TTBK1: variants seen among roughly 807,000 people sequenced by gnomAD.
TTBK1 encodes the protein tau-tubulin kinase 1.
A neutral mutation model predicts 108.5 loss-of-function variants in TTBK1; 34 were observed. The observed-to-expected ratio is 0.31, with a 90% CI of 0.24 to 0.42. The LOEUF is 0.42. Ranked by LOEUF, TTBK1 falls within the 10% of genes least tolerant of loss-of-function variation. The pLI is 1.00. For missense variants in TTBK1, 1,539 were observed against 1,826.0 expected (o/e 0.84, Z 2.86); for synonymous variants, 809 against 795.1 (o/e 1.02, Z -0.29).
rs1312705294 is a variant in TTBK1, at chr6:43,252,731, C to T, written c.109-8C>T. 2 of 1,613,758 alleles carry T rather than the reference C, an allele frequency of 1.2e-6. No homozygotes were observed. Among genetic ancestry groups the T allele is most frequent in the Non-Finnish European group, 1.7e-6 (2 of 1,179,914 alleles). On this transcript the variant is annotated splice_polypyrimidine_tract_variant and splice_region_variant and intron_variant, in intron 2 of 14. Transcript: ENST00000259750. Reference sequence around the variant, plus strand: ...CCCTGAGCACCCCCTATCCCCTCATCTTCATAGCTGAAAAAGATCGGGGGC... The same window carrying T: ...CCCTGAGCACCCCCTATCCCCTCATTTTCATAGCTGAAAAAGATCGGGGGC...
chr6:43,252,705 TCC>T, intron 2 of TTBK1, 32 bp from the exon 3 acceptor site: 1 of 1,612,206 alleles, frequency 6.2e-7, no homozygotes, highest in Non-Finnish European at 8.5e-7. Context: ...TTCAGCCTGA[TCC>T]CTGAGCACCC....
chr6:43,275,420 G>A (rs917175750), intron 13 of TTBK1, among the ~76,000 whole-genome samples: 1 of 152,092 alleles, frequency 6.6e-6, no homozygotes, highest in Admixed American at 6.5e-5. Context: ...CTGGCTGGCG[G>A]CCTTTGGGTC....
chr6:43,255,914 C>T, intron 9 of TTBK1, 58 bp downstream of exon 9: 1 of 1,606,422 alleles, frequency 6.2e-7, no homozygotes, highest in Admixed American at 1.7e-5. Context: ...GTGACTGTCC[C>T]CCAGCAGACC....
Position 43,284,152 on chromosome 6 carries a change from C to G in TTBK1, c.3412C>G (p.Pro1138Ala), listed in dbSNP as rs1269975481. ...GSEEDTPASE[P>A]AAALPRKSGR... The stretch of plus-strand genomic sequence containing the variant: ...TGAGGAGGACACGCCCGCCTCTGAG[C>G]CGGCAGCGGCCTTGCCCAGGAAGAG... Residue 1138 changes from proline (P) to alanine (A), a missense_variant, in exon 14 of 15, where the codon CCG (proline) becomes GCG (alanine). Coordinates refer to ENST00000259750, the MANE Select transcript of TTBK1 (RefSeq NM_032538.3). 1 of 1,547,164 alleles carries G rather than the reference C, an allele frequency of 6.5e-7. No homozygotes were observed. Among genetic ancestry groups the G allele is most frequent in the Admixed American group, 1.9e-5 (1 of 52,044 alleles).
chr6:43,258,452 G>A (rs1777435380), intron 10 of TTBK1, among the ~76,000 whole-genome samples: 1 of 152,166 alleles, frequency 6.6e-6, no homozygotes, highest in Non-Finnish European at 1.5e-5. Flanking sequence ...AGCCCCAGGA[G>A]CAAGCCAAGG....
rs560080182 is a variant in TTBK1 at position 43,288,042 on chromosome 6, G to C, written c.*2666G>C. 6.5e-6 allele frequency: 1 copy of C among 152,772 alleles called. No individual in the cohort carries two copies. Among genetic ancestry groups the C allele is most frequent in the East Asian group, 1.9e-4 (1 of 5,178 alleles). 9.5% of individuals were successfully genotyped at this position (152,772 alleles called of 1,614,324 possible). ...TGGTGGGCATGGGGTGGGGAGCAGG[G>C]AGTTGCCCTTCCCCTCCCTCGGGAA... On this transcript the variant is annotated 3_prime_UTR_variant, in exon 15 of 15. Transcript: ENST00000259750. This position sits in a 1 kb window ranked among gnomAD's most constrained non-coding sequence, Gnocchi z 4.4.
intron 7 of TTBK1, 83 bp downstream of exon 7, chr6:43,255,197 G>GGGGGA: frequency 1.6e-6 from 1 of 638,348 alleles, no homozygotes; most frequent in South Asian, 1.5e-5. Context: ...GAGGGGTGGG[G>GGGGGA]AGAGGAGAGT....
chr6:43,258,044 C>G (rs1777425581), intron 10 of TTBK1, 78 bp downstream of exon 10: 2 of 1,490,190 alleles, frequency 1.3e-6, no homozygotes, highest in Non-Finnish European at 9.0e-7. Context: ...CTCCTCTCCT[C>G]TCTTCCTATC....
chr6:43,252,527 T>C (rs1251886349), intron 2 of TTBK1, among the ~76,000 whole-genome samples: 1 of 150,046 alleles, frequency 6.7e-6, no homozygotes, highest in Non-Finnish European at 1.5e-5. Flanking sequence ...CTCAGGAGAG[T>C]GAGACGTTTG....
chr6:43,270,963 C>T (rs1415356340), intron 13 of TTBK1: 20 of 985,356 alleles, frequency 2.0e-5, no homozygotes, highest in Non-Finnish European at 2.2e-5. Context: ...GAAGACACAG[C>T]AGAAGAGAGG....
rs541581507 is a variant in TTBK1 at position 43,285,433 on chromosome 6, C to T, written c.*57C>T. 1.6e-6 allele frequency: 2 copies of T among 1,248,864 alleles called. No homozygotes were observed. The highest frequency in any genetic ancestry group is 1.6e-5 in the African/African-American group (1 of 64,212). The allele number at this position is 1,248,864 out of a possible 1,614,324, so 77.4% of individuals were successfully genotyped here. ...CTCACCCCGGCCCCCCACCCGCAGC[C>T]GGCCACACTGGAGCAGCTCCCAGCA... On this transcript the variant is annotated 3_prime_UTR_variant, in exon 15 of 15. Coordinates refer to ENST00000259750, the MANE Select transcript of TTBK1 (RefSeq NM_032538.3). This position sits in a 1 kb window ranked among gnomAD's most constrained non-coding sequence, Gnocchi z 4.7.
intron 9 of TTBK1, 80 bp downstream of exon 9, chr6:43,255,936 G>A (rs1264215323): frequency 6.4e-7 from 1 of 1,567,394 alleles, no homozygotes; most frequent in Admixed American, 1.7e-5. Context: ...CGCTCCTGCT[G>A]AGGCTCCACA....
Position 43,252,904 on chromosome 6 carries a change from G to A in TTBK1, c.256+18G>A. On this transcript the variant is annotated intron_variant, in intron 3 of 14. Transcript: ENST00000259750. Reference sequence around the variant, plus strand: ...GTTGCAAGGTTCGGGCCTCGGGCAGGGGGATGGGAAGGAAGAGATGATGAA... The same window carrying A: ...GTTGCAAGGTTCGGGCCTCGGGCAGAGGGATGGGAAGGAAGAGATGATGAA... The A allele has an allele frequency of 6.2e-7, 1 of 1,612,486 alleles. No homozygotes were observed. Among genetic ancestry groups the A allele is most frequent in the Non-Finnish European group, 8.5e-7 (1 of 1,179,778 alleles).
intron 13 of TTBK1, among the ~76,000 whole-genome samples, chr6:43,267,004 T>C (rs1342996550): frequency 2.8e-5 from 1 of 35,384 alleles, no homozygotes; most frequent in Non-Finnish European, 4.9e-5. Context: ...CATGCGTGTG[T>C]GTGTGTGTGT....
At chr6:43,258,061 C>T (rs1419650574) in intron 10 of TTBK1, 95 bp downstream of exon 10, 2 of 1,391,624 alleles carry the variant, frequency 1.4e-6, no homozygotes, top group Non-Finnish European at 1.9e-6. Context: ...TATCTGGACA[C>T]ACTTGGCTAT....
In TTBK1 at chr6:43,263,492, G is replaced by A. The variant is rs1777601506; in HGVS notation, c.1986+142G>A. ...CTGTGATGGAGGTAGACAGGCTTAA[G>A]GGTCTGAAACCATGTTTGAGGGGCA... On this transcript the variant is annotated intron_variant, in intron 13 of 14. Transcript: ENST00000259750. The surrounding 1 kb of genome is among the most constrained non-coding windows in gnomAD (Gnocchi z 4.7). The A allele has an allele frequency of 1.2e-6, 1 of 857,212 alleles. No homozygotes were observed. The highest frequency in any genetic ancestry group is 2.9e-5 in the East Asian group (1 of 33,916). The allele number at this position is 857,212 out of a possible 1,614,324, so 53.1% of individuals were successfully genotyped here. A position where few individuals can be genotyped will look rare whatever the true frequency, so the allele number is the denominator to read the frequency against.
chr6:43,255,102 C>T lies in TTBK1; in HGVS notation c.630C>T (p.Ala210=). Residue 210 remains alanine, a synonymous_variant, in exon 7 of 15, where the codon GCC becomes GCT. Coordinates refer to ENST00000259750, the MANE Select transcript of TTBK1 (RefSeq NM_032538.3). ...CGGTTCGCTATGCCTCAGTCAATGC[C>T]CACAAGAACCGGGTGAGTGGCAAAG... ...RGTVRYASVN[A]HKNREMGRHD... 6.2e-7 allele frequency: 1 copy of T among 1,613,222 alleles called. No homozygotes were observed. The highest frequency in any genetic ancestry group is 8.5e-7 in the Non-Finnish European group (1 of 1,179,820).
Position 43,285,704 on chromosome 6 carries a change from G to A in TTBK1, c.*328G>A, listed in dbSNP as rs1778360992. 9.7e-6 allele frequency: 2 copies of A among 206,714 alleles called. No individual in the cohort carries two copies. Among genetic ancestry groups the A allele is most frequent in the Non-Finnish European group, 1.9e-5 (2 of 103,836 alleles). 12.8% of individuals were successfully genotyped at this position (206,714 alleles called of 1,614,324 possible). The stretch of plus-strand genomic sequence containing the variant: ...GGGGAAGGCTCAGCCACTTTTCATC[G>A]AGGACTCCACTTCTGGGGACGCCTG... On this transcript the variant is annotated 3_prime_UTR_variant, in exon 15 of 15. Transcript: ENST00000259750. The surrounding 1 kb of genome is among the most constrained non-coding windows in gnomAD (Gnocchi z 4.7).
In TTBK1 at chr6:43,254,541, C is replaced by T. The variant is rs1472468773; in HGVS notation, c.472-6C>T. The T allele has an allele frequency of 1.9e-6, 3 of 1,568,656 alleles. No individual in the cohort carries two copies. Among genetic ancestry groups the T allele is most frequent in the Non-Finnish European group, 2.6e-6 (3 of 1,160,752 alleles). On this transcript the variant is annotated splice_polypyrimidine_tract_variant and splice_region_variant and intron_variant, in intron 5 of 14. Transcript: ENST00000259750. ...CCCCAGAGCTCACAGCTGCTGTCTC[C>T]CCCAGTCAAACTTTGCCATGGGCAG...
Sources: gnomAD v4.1 joint callset for allele counts (sites outside exome capture counted in the v4.1 genomes callset) on GRCh38, gnomAD v4.1.1 for gene constraint, Gnocchi (gnomAD v3.1) non-coding constraint, MANE v1.5 for transcripts, NCBI Gene and HGNC (gene_info 2026-07-23, HGNC 2026-07-21) for gene names.